Variants in PHACTR1 observed in about 807,000 individuals in gnomAD.
The protein encoded by PHACTR1 is phosphatase and actin regulator 1.
PHACTR1 carries 16 observed loss-of-function variants against 69.2 expected under a neutral mutation model. The ratio of observed to expected loss-of-function variants is 0.23; its 90% CI spans 0.16 to 0.35. PHACTR1 has a LOEUF of 0.35. Ranked by LOEUF, PHACTR1 falls within the 10% of genes least tolerant of loss-of-function variation. PHACTR1 has a pLI of 1.00. For synonymous variants in PHACTR1, 312 were observed against 284.5 expected, an observed-to-expected ratio of 1.10 and a Z score of -0.97; for missense variants, 510 against 734.7, an observed-to-expected ratio of 0.69 and a Z score of 3.54.
chr6:12,737,785 A>G (rs1195294365), intron 3 of PHACTR1, among the ~76,000 whole-genome samples: 1 of 151,992 alleles, frequency 6.6e-6, no homozygotes, highest in Admixed American at 6.6e-5. Context: ...TTATAGAAAC[A>G]AAGTTTCATT....
intron 10 of PHACTR1, among the ~76,000 whole-genome samples, chr6:13,254,595 A>T (rs535288812): frequency 3.5e-4 from 53 of 152,336 alleles, no homozygotes; most frequent in Non-Finnish European, 6.3e-4. Context: ...CTCTATCATG[A>T]TCTTCCCATC....
At chr6:12,977,016 AG>A (rs1246281007) in intron 4 of PHACTR1, among the ~76,000 whole-genome samples, 1 of 152,108 alleles carries the variant, frequency 6.6e-6, no homozygotes, top group African/African-American at 2.4e-5. Context: ...CTCAGGCTGG[AG>A]TGCAATGGTG....
intron 4 of PHACTR1, among the ~76,000 whole-genome samples, chr6:12,913,645 C>A (rs1786651163): frequency 1.3e-5 from 2 of 152,162 alleles, no homozygotes; most frequent in Non-Finnish European, 2.9e-5. Flanking sequence ...TTATCTCAGC[C>A]CCTCTCAAAA....
At chr6:13,037,334 C>G (rs2127704610) in intron 4 of PHACTR1, among the ~76,000 whole-genome samples, 1 of 152,242 alleles carries the variant, frequency 6.6e-6, no homozygotes, top group Non-Finnish European at 1.5e-5. Context: ...CATTAACCTA[C>G]CTGTTAACCA....
chr6:13,177,347 G>C (rs997045378), intron 6 of PHACTR1, among the ~76,000 whole-genome samples: 2 of 147,894 alleles, frequency 1.4e-5, no homozygotes, highest in Non-Finnish European at 3.0e-5. Context: ...CTGTCTGTCT[G>C]TCTGTCTCTC....
At chr6:12,789,033 A>C (rs890193163) in intron 4 of PHACTR1, among the ~76,000 whole-genome samples, 2 of 152,310 alleles carry the variant, frequency 1.3e-5, no homozygotes, top group Non-Finnish European at 1.5e-5. Flanking sequence ...CATTTGGATG[A>C]TATAACCACC....
chr6:12,853,069 C>G (rs1355934830), intron 4 of PHACTR1, among the ~76,000 whole-genome samples: 1 of 152,170 alleles, frequency 6.6e-6, no homozygotes. Flanking sequence ...CATCGATAAT[C>G]CAGCCTTACT....
chr6:12,891,102 T>C (rs1784127247), intron 4 of PHACTR1, among the ~76,000 whole-genome samples: 1 of 152,244 alleles, frequency 6.6e-6, no homozygotes, highest in Non-Finnish European at 1.5e-5. Flanking sequence ...TTTACTTGCA[T>C]TTCAAATGAA....
intron 4 of PHACTR1, among the ~76,000 whole-genome samples, chr6:12,837,669 T>C (rs1045734492): frequency 1.3e-5 from 2 of 152,242 alleles, no homozygotes; most frequent in African/African-American, 4.8e-5. Flanking sequence ...AACGTAGCTA[T>C]GTGGCCCTGG....
intron 4 of PHACTR1, among the ~76,000 whole-genome samples, chr6:12,975,572 G>A (rs940456191): frequency 6.6e-6 from 1 of 152,056 alleles, no homozygotes; most frequent in Non-Finnish European, 1.5e-5. Flanking sequence ...CTTTCTTTAT[G>A]TATTTTGGGT....
Position 13,186,953 on chromosome 6 carries a change from G to A in PHACTR1, c.664+4267G>A, listed in dbSNP as rs541204874. 6.6e-5 allele frequency among the ~76,000 whole-genome samples: 10 copies of A among 152,300 alleles called. No individual in the cohort carries two copies. The East Asian group carries it at 1.3e-3, about 21-fold the overall frequency. ...GCAACTAGACAGTCCATCTAAGGGT[G>A]GTGGGAGACAGTGACCGATCGTCAG... is the stretch of plus-strand genomic sequence containing the variant. On this transcript the variant is annotated intron_variant, in intron 7 of 14. Transcript: ENST00000332995.
rs894942778 is a variant in PHACTR1, at chr6:13,237,377, TA to T, written c.1391+7194del. ...GAGCAACAGAATGAGACCCCTCTTT[TA>T]AAAAAAAAATGAGATAGGCAAAAAT... is the stretch of plus-strand genomic sequence containing the variant. On this transcript the variant is annotated intron_variant, in intron 10 of 14. Transcript: ENST00000332995. 5.5e-4 allele frequency among the ~76,000 whole-genome samples: 83 copies of T among 150,244 alleles called. No individual in the cohort carries two copies. The East Asian group carries it at 9.1e-3, about 17-fold the overall frequency.
chr6:12,726,518 C>T (rs1762816474), intron 3 of PHACTR1, among the ~76,000 whole-genome samples: 1 of 152,156 alleles, frequency 6.6e-6, no homozygotes, highest in Non-Finnish European at 1.5e-5. Context: ...TAACCAGACT[C>T]GAAGGAAGGC....
chr6:12,988,442 G>A (rs1329329400), intron 4 of PHACTR1, among the ~76,000 whole-genome samples: 1 of 152,136 alleles, frequency 6.6e-6, no homozygotes, highest in Non-Finnish European at 1.5e-5. Context: ...TGAAGCGGAG[G>A]CTCCCCTTTG....
At chr6:13,206,824 T>C (rs949834442) in intron 8 of PHACTR1, among the ~76,000 whole-genome samples, 6 of 152,136 alleles carry the variant, frequency 3.9e-5, no homozygotes, top group African/African-American at 1.4e-4. Flanking sequence ...ACCTGACATA[T>C]ACATCTTAGG....
intron 13 of PHACTR1, among the ~76,000 whole-genome samples, chr6:13,284,517 CAAAAAAAAAAA>C (rs58847683): frequency 1.7e-4 from 7 of 40,018 alleles, no homozygotes; most frequent in African/African-American, 1.2e-3. Context: ...AACTCCATCT[CAAAAAAAAAAA>C]AAAAAAAAAA....
chr6:12,826,788 T>C (rs1282454513), intron 4 of PHACTR1, among the ~76,000 whole-genome samples: 2 of 152,172 alleles, frequency 1.3e-5, no homozygotes, highest in African/African-American at 4.8e-5. Context: ...GGACAATTAA[T>C]CTTGAAATGA....
At chr6:12,917,770 A>G (rs1787173924) in intron 4 of PHACTR1, among the ~76,000 whole-genome samples, 1 of 152,146 alleles carries the variant, frequency 6.6e-6, no homozygotes, top group African/African-American at 2.4e-5. Flanking sequence ...ATAAAAATGA[A>G]CAAATGAACA....
chr6:13,148,123 T>G (rs546941443), intron 5 of PHACTR1, among the ~76,000 whole-genome samples: 1 of 91,504 alleles, frequency 1.1e-5, no homozygotes, highest in South Asian at 6.1e-4. Context: ...TGTGTTCTTT[T>G]GCCTTGTTTT....
Sources: allele counts gnomAD v4.1 joint callset (sites outside exome capture counted in the v4.1 genomes callset), GRCh38; gene constraint gnomAD v4.1.1; transcripts MANE v1.5; gene names NCBI Gene and HGNC (gene_info 2026-07-23, HGNC 2026-07-21).